ERBB4: variants seen among roughly 807,000 people sequenced by gnomAD.
ERBB4 encodes erb-b2 receptor tyrosine kinase 4, also known as receptor tyrosine-protein kinase erbB-4.
A neutral mutation model predicts 158.0 loss-of-function variants in ERBB4; 42 were observed. That is an observed-to-expected ratio of 0.27 (90% CI 0.21 to 0.34). ERBB4 has a LOEUF of 0.34. Ranked by LOEUF, ERBB4 falls within the 10% of genes least tolerant of loss-of-function variation. The probability of loss-of-function intolerance (pLI) is 1.00; values close to 1 mark genes in which losing one functional copy is unlikely to be tolerated. For synonymous variants in ERBB4, 583 were observed against 558.7 expected (o/e 1.04, Z -0.61); for missense variants, 1,333 against 1,624.1 (o/e 0.82, Z 3.08).
chr2:211,709,274 T>TATATATATATATATATATATAC (rs1553615210), intron 9 of ERBB4, among the ~76,000 whole-genome samples: 4 of 136,548 alleles, frequency 2.9e-5, no homozygotes, highest in African/African-American at 1.1e-4. Flanking sequence ...TATATATATA[T>TATATATATATATATATATATAC]ACATACATAT....
intron 7 of ERBB4, among the ~76,000 whole-genome samples, chr2:211,715,366 C>T (rs1346975174): frequency 6.6e-6 from 1 of 152,150 alleles, no homozygotes; most frequent in Admixed American, 6.5e-5. Context: ...TTCTTCCCTT[C>T]CCCAAAAAGT....
In ERBB4 at chr2:211,461,250, A is replaced by G. The variant is rs1417123641; in HGVS notation, c.2488-30150T>C. 7.9e-5 allele frequency among the ~76,000 whole-genome samples: 12 copies of G among 152,302 alleles called. No homozygotes were observed. The South Asian group carries it at 2.3e-3, about 29-fold the overall frequency. On this transcript the variant is annotated intron_variant, in intron 20 of 27. Coordinates refer to ENST00000342788, the MANE Select transcript of ERBB4 (RefSeq NM_005235.3). ...AAATGACTCACTTGGTTCTTTAAAA[A>G]TGCCAAAAAATAAGGAGAAATGTTT... is the stretch of plus-strand genomic sequence containing the variant.
At chr2:211,788,329 C>T (rs2076214374) in intron 3 of ERBB4, among the ~76,000 whole-genome samples, 170 bp from the exon 4 acceptor site, 3 of 152,016 alleles carry the variant, frequency 2.0e-5, no homozygotes, top group Admixed American at 2.0e-4. Flanking sequence ...ACATTGATTA[C>T]AGGAATTTGA....
In ERBB4 at chr2:212,326,098, C is replaced by T. The variant is rs992431436; in HGVS notation, c.83-201195G>A. On this transcript the variant is annotated intron_variant, in intron 1 of 27. Coordinates refer to ENST00000342788, the MANE Select transcript of ERBB4 (RefSeq NM_005235.3). ...TAGTATAATCCAGAGACTGTGGACC[C>T]CAAATTGGGATGCTTTTAAAATCCA... Among the ~76,000 whole-genome samples, 28 of 150,416 alleles carry T rather than the reference C, an allele frequency of 1.9e-4. 2 individuals are homozygous for T. The highest frequency in any genetic ancestry group is 2.0e-4 in the Admixed American group (3 of 15,060).
rs35696520 is a variant in ERBB4, at chr2:211,515,912, A to ATAT, written c.2487+45990_2487+45991insATA. On this transcript the variant is annotated intron_variant, in intron 20 of 27. Coordinates refer to ENST00000342788, the MANE Select transcript of ERBB4 (RefSeq NM_005235.3). Reference sequence around the variant, plus strand: ...AAACATATATTATATATATATATATATTTTTTTTTTTTTTTTTTTTGAGGC... The same window carrying ATAT: ...AAACATATATTATATATATATATATATATTTTTTTTTTTTTTTTTTTTTGAGGC... Among the ~76,000 whole-genome samples the ATAT allele has an allele frequency of 6.7e-4, 53 of 78,990 alleles. 1 individual carries two copies. Among genetic ancestry groups the ATAT allele is most frequent in the Non-Finnish European group, 9.1e-4 (38 of 41,820 alleles). 51.8% of individuals were successfully genotyped at this position (78,990 alleles called of 152,430 possible).
Position 211,377,381 on chromosome 2 carries a change from TC to T in ERBB4, c.*6233del. ...TGCCTACAGGTATGAATCTTTGTTT[TC>T]CTATATTTGTATATTTGCACAAATA... On this transcript the variant is annotated 3_prime_UTR_variant, in exon 28 of 28. Transcript: ENST00000342788. 4.3e-6 allele frequency: 1 copy of T among 233,154 alleles called. No homozygotes were observed. Among genetic ancestry groups the T allele is most frequent in the Non-Finnish European group, 8.5e-6 (1 of 117,670 alleles). The allele number at this position is 233,154 out of a possible 1,614,324, so 14.4% of individuals were successfully genotyped here.
At chr2:211,634,135 A>G (rs2070264898) in intron 16 of ERBB4, among the ~76,000 whole-genome samples, 1 of 152,180 alleles carries the variant, frequency 6.6e-6, no homozygotes, top group Non-Finnish European at 1.5e-5. Context: ...ATCCATTTAT[A>G]TTCCTTTTGA....
chr2:212,053,970 G>A (rs979357481), intron 2 of ERBB4, among the ~76,000 whole-genome samples: 1 of 152,142 alleles, frequency 6.6e-6, no homozygotes, highest in Non-Finnish European at 1.5e-5. Flanking sequence ...AGTATATGGG[G>A]ATAAATATGA....
intron 1 of ERBB4, among the ~76,000 whole-genome samples, chr2:212,264,545 C>T (rs761140333): frequency 3.9e-5 from 6 of 152,024 alleles, no homozygotes; most frequent in Non-Finnish European, 8.8e-5. Context: ...ACAGTTTTTA[C>T]AGAGGTCCTG....
At chr2:212,189,073 CT>C (rs374754039) in intron 1 of ERBB4, among the ~76,000 whole-genome samples, 18,955 of 98,336 alleles carry the variant, frequency 0.19, 2,197 homozygotes, top group South Asian at 0.26. Context: ...AGATTTCTAA[CT>C]TTTTTTTTGG....
chr2:212,504,695 C>T (rs190644826), intron 1 of ERBB4, among the ~76,000 whole-genome samples: 1 of 152,126 alleles, frequency 6.6e-6, no homozygotes, highest in Non-Finnish European at 1.5e-5. Flanking sequence ...TGCAGCTGAG[C>T]CCAGCGATTT....
intron 1 of ERBB4, among the ~76,000 whole-genome samples, chr2:212,331,856 C>T (rs531420607): frequency 1.6e-3 from 241 of 152,064 alleles, no homozygotes; most frequent in Non-Finnish European, 2.8e-3. Flanking sequence ...TGACTAATAA[C>T]AGAATCTTAA....
rs1359779291 is a variant in ERBB4, at chr2:212,221,694, A to G, written c.83-96791T>C. On this transcript the variant is annotated intron_variant, in intron 1 of 27. Coordinates refer to ENST00000342788, the MANE Select transcript of ERBB4 (RefSeq NM_005235.3). ...CCTGGGAAAAATAATCCATTTGAAAATCTTATCCTAAATTTTATCATAAAA... is the reference window on the plus strand; with the variant it reads ...CCTGGGAAAAATAATCCATTTGAAAGTCTTATCCTAAATTTTATCATAAAA... Among the ~76,000 whole-genome samples, 5 of 151,476 alleles carry G rather than the reference A, an allele frequency of 3.3e-5. No homozygotes were observed. In the East Asian group the frequency reaches 9.7e-4, roughly 29 times the overall value.
chr2:212,507,923 A>G (rs1157872103), intron 1 of ERBB4, among the ~76,000 whole-genome samples: 1 of 152,204 alleles, frequency 6.6e-6, no homozygotes, highest in East Asian at 1.9e-4. Flanking sequence ...ACAGCATCAC[A>G]TGCTGGAGAG....
chr2:212,374,575 A>T (rs1383345484), intron 1 of ERBB4, among the ~76,000 whole-genome samples: 1 of 151,824 alleles, frequency 6.6e-6, no homozygotes, highest in Non-Finnish European at 1.5e-5. Flanking sequence ...GAAGGCTTCA[A>T]GTTTTAATGA....
chr2:212,494,524 T>C (rs545157686), intron 1 of ERBB4, among the ~76,000 whole-genome samples: 4 of 152,148 alleles, frequency 2.6e-5, no homozygotes, highest in Admixed American at 1.3e-4. Flanking sequence ...CCTGAGACTA[T>C]ACTTTAGGCA....
intron 20 of ERBB4, among the ~76,000 whole-genome samples, chr2:211,454,870 G>T (rs939754491): frequency 6.6e-6 from 1 of 152,176 alleles, no homozygotes; most frequent in African/African-American, 2.4e-5. Context: ...GTGCCTCCCC[G>T]CCAGGACGGT....
chr2:211,407,100 T>A (rs1299402189), intron 25 of ERBB4, among the ~76,000 whole-genome samples: 3 of 151,874 alleles, frequency 2.0e-5, no homozygotes, highest in Non-Finnish European at 4.4e-5. Flanking sequence ...AAATAAATTT[T>A]AAAAAACTAA....
Position 211,585,738 on chromosome 2 carries a change from T to G in ERBB4, c.2302-23650A>C, listed in dbSNP as rs147996276. On this transcript the variant is annotated intron_variant, in intron 19 of 27. Coordinates refer to ENST00000342788, the MANE Select transcript of ERBB4 (RefSeq NM_005235.3). The stretch of plus-strand genomic sequence containing the variant: ...AATATTTTCTTAAGGTATAATACAT[T>G]TGTATTAGGTAAAGCATAGGTACCT... Among the ~76,000 whole-genome samples, 721 of 152,148 alleles carry G rather than the reference T, an allele frequency of 4.7e-3. 5 individuals carry two copies. Among genetic ancestry groups the G allele is most frequent in the African/African-American group, 0.017 (686 of 41,532 alleles).
Sources: allele counts gnomAD v4.1 joint callset (sites outside exome capture counted in the v4.1 genomes callset), GRCh38; gene constraint gnomAD v4.1.1; transcripts MANE v1.5; gene names NCBI Gene and HGNC (gene_info 2026-07-23, HGNC 2026-07-21).